The following SMARCC1 variants were observed in gnomAD, a reference collection of about 807,000 sequenced individuals.
SMARCC1 encodes SWI/SNF complex subunit SMARCC1.
Under a neutral mutation model 147.4 loss-of-function variants are expected in SMARCC1, and 43 were observed. That is an observed-to-expected ratio of 0.29 (90% CI 0.23 to 0.38). SMARCC1 has a LOEUF of 0.38. Ranked by LOEUF, SMARCC1 falls within the 10% of genes least tolerant of loss-of-function variation. The pLI is 1.00. For missense variants in SMARCC1, 1,119 were observed against 1,381.1 expected, an observed-to-expected ratio of 0.81 and a Z score of 3.01; for synonymous variants, 495 against 484.4, an observed-to-expected ratio of 1.02 and a Z score of -0.29.
At chr3:47,684,093 A>T (rs1276256818) in intron 14 of SMARCC1, among the ~76,000 whole-genome samples, 1 of 152,076 alleles carries the variant, frequency 6.6e-6, no homozygotes, top group Non-Finnish European at 1.5e-5. Flanking sequence ...ACAAAAAATT[A>T]GCCGGGCGTA....
chr3:47,694,913 G>T (rs926714576), intron 11 of SMARCC1, among the ~76,000 whole-genome samples: 2 of 152,036 alleles, frequency 1.3e-5, no homozygotes. Context: ...ACATTTTTAG[G>T]ATTCTAGTCC....
At chr3:47,706,651 T>C in intron 9 of SMARCC1, 121 bp from the exon 10 acceptor site, 4 of 857,418 alleles carry the variant, frequency 4.7e-6, no homozygotes, top group Non-Finnish European at 6.5e-6. Context: ...TCAGAGCAAA[T>C]AAAAAGAATA....
At chr3:47,735,041 C>T (rs984194350) in intron 5 of SMARCC1, among the ~76,000 whole-genome samples, 1 of 152,180 alleles carries the variant, frequency 6.6e-6, no homozygotes, top group Non-Finnish European at 1.5e-5. Context: ...AGGCGTGAGC[C>T]ACCACGCCCG....
At chr3:47,705,785 G>C (rs994797105) in intron 10 of SMARCC1, among the ~76,000 whole-genome samples, 1 of 152,150 alleles carries the variant, frequency 6.6e-6, no homozygotes, top group Non-Finnish European at 1.5e-5. Flanking sequence ...AGGCAAACCA[G>C]AAATTATGTA....
chr3:47,598,784 C>T (rs1168689999), intron 26 of SMARCC1, among the ~76,000 whole-genome samples: 6 of 138,244 alleles, frequency 4.3e-5, no homozygotes, highest in Admixed American at 1.6e-4. Flanking sequence ...GCTGAGATCA[C>T]GCCACTGCAC....
chr3:47,750,460 A>T (rs962754852), intron 2 of SMARCC1, among the ~76,000 whole-genome samples: 2 of 152,154 alleles, frequency 1.3e-5, no homozygotes, highest in African/African-American at 2.4e-5. Context: ...ATAAATAAAT[A>T]GACTAATGTA....
intron 5 of SMARCC1, among the ~76,000 whole-genome samples, chr3:47,734,727 G>A (rs376673276): frequency 6.6e-6 from 1 of 152,190 alleles, no homozygotes; most frequent in East Asian, 1.9e-4. Context: ...TCAGAACACA[G>A]TACTAGTACA....
intron 2 of SMARCC1, among the ~76,000 whole-genome samples, chr3:47,755,752 G>A (rs1258619825): frequency 6.6e-6 from 1 of 151,532 alleles, no homozygotes; most frequent in Non-Finnish European, 1.5e-5. Flanking sequence ...CAGCACTTTG[G>A]GAGGCCGAGG....
At position 47,780,369 on chromosome 3, in the gene SMARCC1, C is replaced by G. The variant is rs754341899; in HGVS notation, c.195+1234G>C. ...TATTTTTTGGAAAGACGGGGTTTCACCATGTTGGTCAGGCTAGTCTCGAAC... is the reference window on the plus strand; with the variant it reads ...TATTTTTTGGAAAGACGGGGTTTCAGCATGTTGGTCAGGCTAGTCTCGAAC... On this transcript the variant is annotated intron_variant, in intron 1 of 27. Coordinates refer to ENST00000254480, the MANE Select transcript of SMARCC1 (RefSeq NM_003074.4). 4.0e-5 allele frequency among the ~76,000 whole-genome samples: 6 copies of G among 151,848 alleles called. No homozygotes were observed. In the South Asian group the frequency reaches 8.3e-4, roughly 21 times the overall value.
intron 25 of SMARCC1, among the ~76,000 whole-genome samples, chr3:47,614,102 C>T (rs1218653021): frequency 1.3e-5 from 2 of 152,208 alleles, no homozygotes; most frequent in African/African-American, 4.8e-5. Context: ...CCTTCCTTTT[C>T]AATGCTTTGT....
At chr3:47,610,431 A>G in intron 25 of SMARCC1, 104 bp from the exon 26 acceptor site, 1 of 1,198,446 alleles carries the variant, frequency 8.3e-7, no homozygotes, top group Non-Finnish European at 1.2e-6. Context: ...CTATCCCATC[A>G]CACTGACATC....
intron 2 of SMARCC1, among the ~76,000 whole-genome samples, chr3:47,762,266 C>A (rs2034781983): frequency 6.6e-6 from 1 of 152,180 alleles, no homozygotes; most frequent in Non-Finnish European, 1.5e-5. Context: ...AACCAGTGAT[C>A]AAGTCCAACT....
intron 5 of SMARCC1, 124 bp from the exon 6 acceptor site, chr3:47,729,218 G>C: frequency 1.6e-6 from 1 of 613,162 alleles, no homozygotes; most frequent in East Asian, 2.9e-5. Flanking sequence ...ATATAAAAAA[G>C]ACTTGCTTCT....
chr3:47,635,198 T>C lies in SMARCC1; in HGVS notation c.2638A>G (p.Lys880Glu). Reference sequence around the variant, plus strand: ...GGCTGTCAGGGGCAAACCTTGGCTTTGGTAGCCGCTGAGGCAAGAGCAGCT... The same window carrying C: ...GGCTGTCAGGGGCAAACCTTGGCTTCGGTAGCCGCTGAGGCAAGAGCAGCT... The part of the protein sequence containing the change: ...AAAALASAAT[K>E]AKHLAAVEER... Residue 880 changes from lysine to glutamate, a missense_variant, in exon 24 of 28, where the codon AAA becomes GAA. Around this residue, in one of 6 missense-constraint regions of SMARCC1, gnomAD observed 42 missense variants for 89.4 expected, o/e 0.47. Coordinates refer to ENST00000254480, the MANE Select transcript of SMARCC1 (RefSeq NM_003074.4). 1 of 1,613,648 alleles carries C rather than the reference T, an allele frequency of 6.2e-7. No homozygotes were observed. The highest frequency in any genetic ancestry group is 8.5e-7 in the Non-Finnish European group (1 of 1,179,924).
rs1240752142 is a variant in SMARCC1 at position 47,690,587 on chromosome 3, T to C, written c.1226-1163A>G. On this transcript the variant is annotated intron_variant, in intron 12 of 27. Coordinates refer to ENST00000254480, the MANE Select transcript of SMARCC1 (RefSeq NM_003074.4). ...AAACCACAACAGCCAAGTGCAGTGA[T>C]ACAAAGCATTGGCAGGAAAGTAAGA... 4.6e-5 allele frequency among the ~76,000 whole-genome samples: 7 copies of C among 152,184 alleles called. No homozygotes were observed. In the East Asian group the frequency reaches 1.2e-3, roughly 25 times the overall value.
intron 12 of SMARCC1, 92 bp downstream of exon 12, chr3:47,693,149 A>G: frequency 1.2e-6 from 1 of 819,494 alleles, no homozygotes; most frequent in Non-Finnish European, 2.1e-6. Context: ...AGCCTGACCA[A>G]CAGAACAAGA....
chr3:47,595,540 TAAATA>T (rs56840398), intron 26 of SMARCC1, among the ~76,000 whole-genome samples: 144,953 of 150,350 alleles, frequency 0.96, 70,102 homozygotes, highest in Non-Finnish European at 1. Flanking sequence ...AATAAATAAA[TAAATA>T]AAATAAAATA....
chr3:47,617,897 T>TACATTATAAAGA (rs1190111103), intron 25 of SMARCC1, among the ~76,000 whole-genome samples: 2 of 152,196 alleles, frequency 1.3e-5, no homozygotes, highest in Non-Finnish European at 2.9e-5. Flanking sequence ...CTCGTATGTT[T>TACATTATAAAGA]ACATTATAAA....
At chr3:47,618,085 G>A (rs1369622393) in intron 25 of SMARCC1, among the ~76,000 whole-genome samples, 1 of 152,082 alleles carries the variant, frequency 6.6e-6, no homozygotes, top group Non-Finnish European at 1.5e-5. Flanking sequence ...ACCAAATGCT[G>A]ATTAAGAAAA....
Sources: allele counts gnomAD v4.1 joint callset (sites outside exome capture counted in the v4.1 genomes callset), GRCh38; gene constraint gnomAD v4.1.1; regional missense constraint gnomAD v4.1.1; transcripts MANE v1.5; gene names NCBI Gene and HGNC (gene_info 2026-07-23, HGNC 2026-07-21).